Variants in PCDHA12 observed in about 807,000 individuals in gnomAD.
The protein encoded by PCDHA12 is protocadherin alpha-12.
In PCDHA12, 44 loss-of-function variants were observed where a neutral mutation model predicts 60.0. The observed-to-expected ratio is 0.73, with a 90% CI of 0.58 to 0.94. The LOEUF is 0.94. PCDHA12 is among the 40% of genes least tolerant of loss of function. The probability of loss-of-function intolerance (pLI) is 0.00; values close to 1 mark genes in which losing one functional copy is unlikely to be tolerated. For missense variants in PCDHA12, 1,276 were observed against 1,239.7 expected, an observed-to-expected ratio of 1.03 and a Z score of -0.44; for synonymous variants, 569 against 553.0, an observed-to-expected ratio of 1.03 and a Z score of -0.40.
Position 140,978,781 on chromosome 5 carries a change from A to C in PCDHA12, c.2368-168A>C, listed in dbSNP as rs4461687. ...GACCCTGATGAACTAATTTTCTTCT[A>C]AAGTGCTATATATGTAGATATCATC... On this transcript the variant is annotated intron_variant, in intron 1 of 3. Coordinates refer to ENST00000398631, the MANE Select transcript of PCDHA12 (RefSeq NM_018903.4). 2,731 of 969,880 alleles carry C rather than the reference A, an allele frequency of 2.8e-3. 24 individuals carry two copies. The East Asian group carries it at 0.042, about 15-fold the overall frequency. The allele number at this position is 969,880 out of a possible 1,614,324, so 60.1% of individuals were successfully genotyped here.
At chr5:140,947,153 C>T (rs1306730368) in intron 1 of PCDHA12, among the ~76,000 whole-genome samples, 4 of 150,836 alleles carry the variant, frequency 2.7e-5, no homozygotes, top group African/African-American at 4.9e-5. Context: ...GTTACTTCCA[C>T]GGGGTAGAAA....
At chr5:140,944,596 G>A (rs2093672992) in intron 1 of PCDHA12, among the ~76,000 whole-genome samples, 1 of 152,138 alleles carries the variant, frequency 6.6e-6, no homozygotes, top group Admixed American at 6.5e-5. Context: ...ATTTCCCTGG[G>A]TAGAGTAGTG....
rs139717123 is a variant in PCDHA12, at chr5:140,967,213, G to A, written c.2368-11736G>A. 8 of 1,613,598 alleles carry A rather than the reference G, an allele frequency of 5.0e-6. No individual in the cohort carries two copies. The African/African-American group carries it at 8.0e-5, about 16-fold the overall frequency. On this transcript the variant is annotated intron_variant, in intron 1 of 3. Coordinates refer to ENST00000398631, the MANE Select transcript of PCDHA12 (RefSeq NM_018903.4). ...TCAACGACAACTCACCGCGTTTCCC[G>A]CGGCCCAACTACCAGCTTCAGGTAA...
chr5:140,886,413 C>T (rs1465937681), intron 1 of PCDHA12, among the ~76,000 whole-genome samples: 1 of 152,042 alleles, frequency 6.6e-6, no homozygotes, highest in Non-Finnish European at 1.5e-5. Flanking sequence ...ATGTTTTCCT[C>T]CTATATTATT....
chr5:140,962,107 G>A (rs1010906038), intron 1 of PCDHA12, among the ~76,000 whole-genome samples: 20 of 151,860 alleles, frequency 1.3e-4, no homozygotes, highest in African/African-American at 4.4e-4. Flanking sequence ...GGATGGTCTC[G>A]ATCTCCTAAC....
At chr5:140,966,868 G>A (rs781853403) in intron 1 of PCDHA12, 47 of 1,580,198 alleles carry the variant, frequency 3.0e-5, no homozygotes, top group Non-Finnish European at 3.7e-5. Flanking sequence ...TGTTGCTGCT[G>A]CTGCTACCTG....
intron 2 of PCDHA12, chr5:140,982,222 A>C: frequency 3.5e-6 from 2 of 569,284 alleles, no homozygotes; most frequent in Non-Finnish European, 2.7e-6. Context: ...CATGGCGTTA[A>C]TAAAAAACAG....
At chr5:141,000,950 T>C (rs781867970) in intron 3 of PCDHA12, among the ~76,000 whole-genome samples, 2 of 152,214 alleles carry the variant, frequency 1.3e-5, no homozygotes, top group Non-Finnish European at 2.9e-5. Flanking sequence ...ATTATCTTGC[T>C]GTAATTTAAG....
In PCDHA12 at chr5:140,929,414, A is replaced by G. The variant is rs1174756115; in HGVS notation, c.2368-49535A>G. The G allele has an allele frequency of 6.6e-6, 10 of 1,504,304 alleles. No individual in the cohort carries two copies. The East Asian group carries it at 1.1e-4, about 17-fold the overall frequency. 93.2% of individuals were successfully genotyped at this position (1,504,304 alleles called of 1,614,324 possible). A position where few individuals can be genotyped will look rare whatever the true frequency, so the allele number is the denominator to read the frequency against. On this transcript the variant is annotated intron_variant, in intron 1 of 3. Transcript: ENST00000398631. ...ATATTTCTTAGACAAGCCTTTCACA[A>G]CATTTCATCAATTGAACTAAACACT...
intron 3 of PCDHA12, among the ~76,000 whole-genome samples, chr5:141,009,288 C>G (rs373954362): frequency 6.6e-6 from 1 of 152,068 alleles, no homozygotes; most frequent in African/African-American, 2.4e-5. Flanking sequence ...GATCCCATTT[C>G]TATAAAATTT....
chr5:140,941,214 C>CTTTCTTTCTTT (rs1554214039), intron 1 of PCDHA12, among the ~76,000 whole-genome samples: 7,707 of 122,054 alleles, frequency 0.063, 376 homozygotes, highest in South Asian at 0.093. Context: ...TTTCTTTCTT[C>CTTTCTTTCTTT]CTTTCTTTCT....
intron 1 of PCDHA12, among the ~76,000 whole-genome samples, chr5:140,892,438 ATT>A (rs2063515415): frequency 6.6e-6 from 1 of 152,198 alleles, no homozygotes; most frequent in African/African-American, 2.4e-5. Context: ...ATTATCTAAA[ATT>A]TACATGTATT....
At chr5:140,926,942 C>CT in intron 1 of PCDHA12, 1 of 1,585,854 alleles carries the variant, frequency 6.3e-7, no homozygotes, top group Non-Finnish European at 8.6e-7. Flanking sequence ...TCCTGCGGCG[C>CT]TGCAGCGGGA....
At chr5:140,975,309 T>C (rs182558596) in intron 1 of PCDHA12, among the ~76,000 whole-genome samples, 161 of 152,342 alleles carry the variant, frequency 1.1e-3, no homozygotes, top group African/African-American at 3.2e-3. Flanking sequence ...CTCATGTGAT[T>C]ATGTCAGTCC....
intron 1 of PCDHA12, 166 bp from the exon 2 acceptor site, chr5:140,978,783 A>G: frequency 1.0e-6 from 1 of 972,136 alleles, no homozygotes. Context: ...TTTCTTCTAA[A>G]GTGCTATATA....
Position 140,993,460 on chromosome 5 carries a change from T to TCC in PCDHA12, c.2515+10898_2515+10899insCC, listed in dbSNP as rs1554253699. ...TTCATTCCTGTTCTCCTTCTTTCTT[T>TCC]CTCACACACACACACACACACACAC... On this transcript the variant is annotated intron_variant, in intron 3 of 3. Coordinates refer to ENST00000398631, the MANE Select transcript of PCDHA12 (RefSeq NM_018903.4). Among the ~76,000 whole-genome samples, 535 of 104,558 alleles carry TCC rather than the reference T, an allele frequency of 5.1e-3. 5 individuals carry two copies. Among genetic ancestry groups the TCC allele is most frequent in the African/African-American group, 0.02 (517 of 25,554 alleles). The allele number at this position is 104,558 out of a possible 152,430, so 68.6% of individuals were successfully genotyped here. A position where few individuals can be genotyped will look rare whatever the true frequency, so the allele number is the denominator to read the frequency against.
intron 3 of PCDHA12, among the ~76,000 whole-genome samples, chr5:141,003,903 G>A (rs150270772): frequency 6.6e-6 from 1 of 152,076 alleles, no homozygotes; most frequent in Non-Finnish European, 1.5e-5. Flanking sequence ...CCATTCATTT[G>A]GGTCTTGACT....
chr5:140,972,832 T>G (rs1209140344), intron 1 of PCDHA12, among the ~76,000 whole-genome samples: 9 of 151,882 alleles, frequency 5.9e-5, no homozygotes. Flanking sequence ...CCTGGCTAAT[T>G]TTTGTATTTT....
chr5:140,976,887 C>T (rs933700917), intron 1 of PCDHA12, among the ~76,000 whole-genome samples: 2 of 152,150 alleles, frequency 1.3e-5, no homozygotes, highest in Non-Finnish European at 2.9e-5. Flanking sequence ...AATTAGGATA[C>T]ATGCAACAGT....
Sources: gnomAD v4.1 joint callset for allele counts (sites outside exome capture counted in the v4.1 genomes callset) on GRCh38, gnomAD v4.1.1 for gene constraint, MANE v1.5 for transcripts, NCBI Gene and HGNC (gene_info 2026-07-23, HGNC 2026-07-21) for gene names.